The following MRE11 variants were observed in gnomAD, a reference collection of about 807,000 sequenced individuals.
The protein encoded by MRE11 is double-strand break repair protein MRE11.
MRE11 carries 62 observed loss-of-function variants against 91.7 expected under a neutral mutation model. That is an observed-to-expected ratio of 0.68 (90% confidence interval 0.55 to 0.84). The LOEUF (loss-of-function observed/expected upper bound fraction) is 0.84. Among genes scored for constraint, MRE11 ranks in the 40% least tolerant of loss-of-function variants. The pLI, the probability that MRE11 is intolerant of heterozygous loss-of-function variation, is 0.00. For missense variants in MRE11, 796 were observed against 852.9 expected (o/e 0.93, Z 0.83); for synonymous variants, 273 against 271.4 (o/e 1.01, Z -0.06).
Position 94,418,381 on chromosome 11 carries a change from A to ATTT in MRE11, c.*1741_*1743dup. The ATTT allele has an allele frequency of 3.3e-5, 7 of 214,908 alleles. No individual in the cohort carries two copies. Among genetic ancestry groups the ATTT allele is most frequent in the East Asian group, 6.8e-5 (1 of 14,752 alleles). The allele number at this position is 214,908 out of a possible 1,614,324, so 13.3% of individuals were successfully genotyped here. A position where few individuals can be genotyped will look rare whatever the true frequency, so the allele number is the denominator to read the frequency against. ...GTACCTCTTTTCACAGCCAAGAGCAATTTTTTTTTTTTTAAGGAAAAAAAC... is the reference window on the plus strand; with the variant it reads ...GTACCTCTTTTCACAGCCAAGAGCAATTTTTTTTTTTTTTTTAAGGAAAAAAAC... On this transcript the variant is annotated 3_prime_UTR_variant, in exon 20 of 20. Coordinates refer to ENST00000323929, the MANE Select transcript of MRE11 (RefSeq NM_005591.4).
chr11:94,482,626 A>G (rs1436907948), intron 4 of MRE11, among the ~76,000 whole-genome samples: 1 of 152,216 alleles, frequency 6.6e-6, no homozygotes, highest in Non-Finnish European at 1.5e-5. Context: ...TGAAAGAAAG[A>G]AAATACTGAA....
rs1945126737 is a variant in MRE11 at position 94,419,984 on chromosome 11, T to C, written c.*141A>G. On this transcript the variant is annotated 3_prime_UTR_variant, in exon 20 of 20. Coordinates refer to ENST00000323929, the MANE Select transcript of MRE11 (RefSeq NM_005591.4). ...AAAAAACAAGGTGAATCAATGCTATTGTATGTCTGTGAACTAGAAATTTCT... is the reference window on the plus strand; with the variant it reads ...AAAAAACAAGGTGAATCAATGCTATCGTATGTCTGTGAACTAGAAATTTCT... 1 of 628,312 alleles carries C rather than the reference T, an allele frequency of 1.6e-6. No individual in the cohort carries two copies. The highest frequency in any genetic ancestry group is 2.7e-6 in the Non-Finnish European group (1 of 367,822). The allele number at this position is 628,312 out of a possible 1,614,324, so 38.9% of individuals were successfully genotyped here. A position where few individuals can be genotyped will look rare whatever the true frequency, so the allele number is the denominator to read the frequency against.
the MRE11 span, among the ~76,000 whole-genome samples, chr11:94,506,585 CTTTT>C: frequency 1.4e-5 from 2 of 147,186 alleles, no homozygotes; most frequent in Non-Finnish European, 3.0e-5. Context: ...ACAGTAATTG[CTTTT>C]TTTGTTTTTT....
At chr11:94,460,136 G>A (rs1321010725) in intron 12 of MRE11, among the ~76,000 whole-genome samples, 1 of 152,156 alleles carries the variant, frequency 6.6e-6, no homozygotes, top group Admixed American at 6.6e-5. Context: ...AACATAGTAG[G>A]CACCTCTAGA....
At chr11:94,459,317 G>A in intron 13 of MRE11, 91 bp downstream of exon 13, 1 of 1,315,842 alleles carries the variant, frequency 7.6e-7, no homozygotes, top group Non-Finnish European at 1.1e-6. Flanking sequence ...AATCAGAGAG[G>A]TTAAATAGTG....
intron 15 of MRE11, among the ~76,000 whole-genome samples, chr11:94,446,351 G>A (rs938275182): frequency 2.6e-5 from 4 of 152,170 alleles, no homozygotes; most frequent in Admixed American, 6.5e-5. Flanking sequence ...AAGTTGCAGT[G>A]AGCTGAAATC....
At chr11:94,485,608 ATT>A (rs759826711) in intron 4 of MRE11, among the ~76,000 whole-genome samples, 19 of 140,814 alleles carry the variant, frequency 1.3e-4, no homozygotes, top group Admixed American at 2.1e-4. Flanking sequence ...CCCACCATGT[ATT>A]TTTTTTTTTT....
intron 14 of MRE11, 86 bp downstream of exon 14, chr11:94,456,190 G>GGACT (rs1946243937): frequency 1.6e-6 from 2 of 1,285,816 alleles, no homozygotes; most frequent in Admixed American, 3.6e-5. Context: ...CTAGACCTAT[G>GGACT]GACTGACTAT....
intron 16 of MRE11, among the ~76,000 whole-genome samples, chr11:94,438,682 A>C (rs1945693467): frequency 6.6e-6 from 1 of 152,232 alleles, no homozygotes; most frequent in Non-Finnish European, 1.5e-5. Flanking sequence ...AAACTAAGCA[A>C]TATGTTCTGT....
At chr11:94,483,011 A>G (rs1411659266) in intron 4 of MRE11, among the ~76,000 whole-genome samples, 1 of 152,220 alleles carries the variant, frequency 6.6e-6, no homozygotes. Flanking sequence ...CATTGATCAC[A>G]ATTTTGAAAA....
chr11:94,467,082 G>A (rs1946583504), intron 10 of MRE11, among the ~76,000 whole-genome samples: 2 of 152,222 alleles, frequency 1.3e-5, no homozygotes, highest in African/African-American at 2.4e-5. Context: ...TGGTTATGGT[G>A]AAGTCAGAGC....
chr11:94,440,251 T>C (rs899346530), intron 16 of MRE11, among the ~76,000 whole-genome samples: 5 of 152,186 alleles, frequency 3.3e-5, no homozygotes, highest in Non-Finnish European at 5.9e-5. Flanking sequence ...GTCAAGCCAT[T>C]CTGTAAAACT....
chr11:94,470,539 G>T lies in MRE11; in HGVS notation c.949C>A (p.His317Asn). ...TTATCTGGGTTAAAAATGTCTGGAT[G>T]ATTAGCTAGAACAATATCCTCCATG... ...FFMEDIVLAN[H>N]PDIFNPDNPK... The change falls in exon 9 of 20, where the codon CAT becomes AAT. Residue 317 changes from histidine (H) to asparagine (N), a missense_variant. Physicochemically the swap from His to Asn is moderately conservative, Grantham distance 68 (BLOSUM62 1). Coordinates refer to ENST00000323929, the MANE Select transcript of MRE11 (RefSeq NM_005591.4). The T allele has an allele frequency of 6.2e-7, 1 of 1,613,230 alleles. No homozygotes were observed. The highest frequency in any genetic ancestry group is 8.5e-7 in the Non-Finnish European group (1 of 1,179,386).
In MRE11 at chr11:94,456,342, G is replaced by C. The variant is rs377584386; in HGVS notation, c.1501-4C>G. The C allele has an allele frequency of 3.1e-6, 5 of 1,608,602 alleles. No individual in the cohort carries two copies. In the Admixed American group the frequency reaches 6.7e-5, roughly 21 times the overall value. On this transcript the variant is annotated splice_polypyrimidine_tract_variant and splice_region_variant and intron_variant, in intron 13 of 19. Coordinates refer to ENST00000323929, the MANE Select transcript of MRE11 (RefSeq NM_005591.4). ...TGGTTTCTCTGAAACGACGTACCTA[G>C]ATCATAACAGAGTAAATCACAAACA...
chr11:94,420,684 C>G (rs1298394515), intron 19 of MRE11, among the ~76,000 whole-genome samples: 1 of 152,166 alleles, frequency 6.6e-6, no homozygotes, highest in East Asian at 1.9e-4. Flanking sequence ...CCTAGCAAAG[C>G]AAGCTTTCAA....
intron 4 of MRE11, among the ~76,000 whole-genome samples, chr11:94,481,781 T>C (rs1947019534): frequency 6.6e-6 from 1 of 152,206 alleles, no homozygotes; most frequent in African/African-American, 2.4e-5. Context: ...TACCACATTT[T>C]CAATTATTGT....
intron 17 of MRE11, among the ~76,000 whole-genome samples, chr11:94,436,718 G>A (rs1195303980): frequency 6.6e-6 from 1 of 152,174 alleles, no homozygotes; most frequent in Non-Finnish European, 1.5e-5. Flanking sequence ...AGAGCAGAAG[G>A]CCCAGGCTAA....
chr11:94,440,317 A>G (rs545411795), intron 16 of MRE11, among the ~76,000 whole-genome samples: 1 of 152,160 alleles, frequency 6.6e-6, no homozygotes, highest in East Asian at 1.9e-4. Flanking sequence ...GCTTTATTCT[A>G]TGTTGTCAAT....
intron 18 of MRE11, 118 bp from the exon 19 acceptor site, chr11:94,430,104 C>T (rs1437327607): frequency 1.0e-6 from 1 of 966,796 alleles, no homozygotes; most frequent in Non-Finnish European, 1.6e-6. Flanking sequence ...ACACAATTCC[C>T]TTAAAATCTA....
Sources: allele counts gnomAD v4.1 joint callset (sites outside exome capture counted in the v4.1 genomes callset), GRCh38; gene constraint gnomAD v4.1.1; transcripts MANE v1.5; gene names NCBI Gene and HGNC (gene_info 2026-07-23, HGNC 2026-07-21).